The following COL4A4 variants were observed in gnomAD, a reference collection of about 807,000 sequenced individuals.
COL4A4 encodes the protein collagen alpha-4(IV) chain.
In COL4A4, 105 loss-of-function variants were observed where a neutral mutation model predicts 192.9. That is an observed-to-expected ratio of 0.54 (90% CI 0.46 to 0.64). The LOEUF (loss-of-function observed/expected upper bound fraction) is 0.64, where lower values mean the gene tolerates loss of function less well. Ranked by LOEUF, COL4A4 falls within the 30% of genes least tolerant of loss-of-function variation. COL4A4 has a pLI of 0.00. For synonymous variants in COL4A4, 762 were observed against 769.9 expected (o/e 0.99, Z 0.17); for missense variants, 1,967 against 2,169.3 (o/e 0.91, Z 1.85).
intron 46 of COL4A4, among the ~76,000 whole-genome samples, chr2:227,009,827 G>A (rs976760749): frequency 1.3e-5 from 2 of 152,098 alleles, no homozygotes; most frequent in Non-Finnish European, 2.9e-5. Flanking sequence ...AGCACCAAAA[G>A]ATGACCCTCA....
intron 15 of COL4A4, 102 bp downstream of exon 15, chr2:227,102,687 A>T (rs2060590697): frequency 1.0e-6 from 1 of 954,850 alleles, no homozygotes; most frequent in Non-Finnish European, 1.7e-6. Context: ...TACATGAGCT[A>T]TTCTTCACTT....
intron 20 of COL4A4, among the ~76,000 whole-genome samples, chr2:227,091,922 G>GAAAGAAAGA (rs1553674154): frequency 5.0e-5 from 3 of 60,292 alleles, no homozygotes; most frequent in Non-Finnish European, 1.2e-4. Flanking sequence ...AAGAAAGAAA[G>GAAAGAAAGA]AAAGAAAAGA....
intron 37 of COL4A4, among the ~76,000 whole-genome samples, chr2:227,036,160 T>C (rs1969623937): frequency 6.6e-6 from 1 of 152,182 alleles, no homozygotes; most frequent in Non-Finnish European, 1.5e-5. Flanking sequence ...TAAACAACCA[T>C]CATTTAAGGC....
In COL4A4 at chr2:227,123,586, C is replaced by T. The variant is rs2061924005; in HGVS notation, c.193-2438G>A. On this transcript the variant is annotated intron_variant, in intron 4 of 47. Transcript: ENST00000396625. The surrounding 1 kb of genome is among the most constrained non-coding windows in gnomAD (Gnocchi z 4.6). ...GAGCCCACATCTCAGTGTTATCCCG[C>T]CCTAGGGGAAGGGAGTGGGGGTATT... Among the ~76,000 whole-genome samples the T allele has an allele frequency of 1.3e-5, 2 of 152,188 alleles. No individual in the cohort carries two copies. Among genetic ancestry groups the T allele is most frequent in the East Asian group, 1.9e-4 (1 of 5,190 alleles).
At chr2:227,016,662 A>G (rs780857970) in intron 44 of COL4A4, among the ~76,000 whole-genome samples, 1 of 152,010 alleles carries the variant, frequency 6.6e-6, no homozygotes, top group East Asian at 1.9e-4. Context: ...ACGTCCTCAT[A>G]TTGCCTGCCT....
chr2:227,077,972 G>GA lies in COL4A4; in HGVS notation c.1908dup (p.Pro637SerfsTer20). On this transcript the variant is annotated frameshift_variant, in exon 25 of 48. Coordinates refer to ENST00000396625, the MANE Select transcript of COL4A4 (RefSeq NM_000092.5). LOFTEE classifies it high-confidence loss of function. ...CCTGGGTGGCCTCGCTCTCCTGGTG[G>GA]ACCAGGAAATCCCAGTCCTGGGGGC... 1 of 1,613,780 alleles carries GA rather than the reference G, an allele frequency of 6.2e-7. No homozygotes were observed. The highest frequency in any genetic ancestry group is 8.5e-7 in the Non-Finnish European group (1 of 1,179,968).
At position 227,043,154 on chromosome 2, in the gene COL4A4, A is replaced by C; in HGVS notation, c.3320T>G (p.Leu1107Trp). The C allele has an allele frequency of 6.2e-7, 1 of 1,614,152 alleles. No homozygotes were observed. Among genetic ancestry groups the C allele is most frequent in the African/African-American group, 1.3e-5 (1 of 75,068 alleles). ...GHFGASGEQGLPGIQGPRGSP... is the reference protein window; with the variant it reads ...GHFGASGEQGWPGIQGPRGSP... ...TCCTCTGGGCCCTTGAATACCAGGCAAGCCCTGCTCTCCGGATGCTCCAAA... is the reference window on the plus strand; with the variant it reads ...TCCTCTGGGCCCTTGAATACCAGGCCAGCCCTGCTCTCCGGATGCTCCAAA... Residue 1107 changes from leucine to tryptophan, a missense_variant, in exon 36 of 48, where the codon TTG (leucine) becomes TGG (tryptophan). Physicochemically the swap from Leu to Trp is moderately conservative, Grantham distance 61. Coordinates refer to ENST00000396625, the MANE Select transcript of COL4A4 (RefSeq NM_000092.5).
the COL4A4 span, among the ~76,000 whole-genome samples, chr2:226,982,964 T>G: frequency 6.6e-6 from 1 of 152,198 alleles, no homozygotes; most frequent in South Asian, 2.1e-4. Flanking sequence ...TCTTTTAAAA[T>G]CTACATCATC....
chr2:227,082,331 T>C, intron 22 of COL4A4, 144 bp from the exon 23 acceptor site: 1 of 775,300 alleles, frequency 1.3e-6, no homozygotes, highest in Non-Finnish European at 2.2e-6. Context: ...TCCACTTCCC[T>C]GCCTTCCAAG....
intron 43 of COL4A4, chr2:227,022,427 T>G (rs958898462): frequency 1.4e-6 from 1 of 700,360 alleles, no homozygotes; most frequent in Admixed American, 1.8e-5. Context: ...GTGAATGGAG[T>G]ATCAGAGGAT....
intron 43 of COL4A4, chr2:227,022,452 C>T: frequency 1.5e-6 from 1 of 649,280 alleles, no homozygotes; most frequent in Non-Finnish European, 3.0e-6. Flanking sequence ...AAGTATGAAA[C>T]AGTGAAGGTC....
intron 41 of COL4A4, among the ~76,000 whole-genome samples, chr2:227,028,720 A>C (rs2149935984): frequency 6.6e-6 from 1 of 151,386 alleles, no homozygotes; most frequent in South Asian, 2.1e-4. Flanking sequence ...TAGTGGCACA[A>C]TCATTGCTCA....
chr2:227,101,344 T>G (rs898585841), intron 17 of COL4A4, among the ~76,000 whole-genome samples, 160 bp downstream of exon 17: 1 of 152,116 alleles, frequency 6.6e-6, no homozygotes, highest in East Asian at 1.9e-4. Flanking sequence ...ATCAGCAACA[T>G]GAAAAACAGA....
chr2:226,986,514 G>A, the COL4A4 span, among the ~76,000 whole-genome samples: 2 of 152,192 alleles, frequency 1.3e-5, no homozygotes, highest in South Asian at 4.2e-4. Flanking sequence ...TCAAAAAGCA[G>A]GTAAAGGATA....
At chr2:227,106,394 G>A (rs372845972) in intron 12 of COL4A4, among the ~76,000 whole-genome samples, 184 of 152,134 alleles carry the variant, frequency 1.2e-3, no homozygotes, top group Admixed American at 2.2e-3. Context: ...CATATACTCA[G>A]CATAGTCAAA....
intron 35 of COL4A4, among the ~76,000 whole-genome samples, chr2:227,045,535 C>T (rs751929451): frequency 7.2e-4 from 110 of 151,798 alleles, no homozygotes; most frequent in Middle Eastern, 3.4e-3. Flanking sequence ...TTTGGGAAGC[C>T]AAGGCAGGCA....
chr2:226,979,859 T>G, the COL4A4 span, among the ~76,000 whole-genome samples: 1 of 152,122 alleles, frequency 6.6e-6, no homozygotes, highest in Non-Finnish European at 1.5e-5. Context: ...TAGGCACTGG[T>G]CTAGGCCCAT....
At chr2:227,112,558 C>T (rs370390430) in intron 8 of COL4A4, among the ~76,000 whole-genome samples, 6 of 152,314 alleles carry the variant, frequency 3.9e-5, no homozygotes, top group South Asian at 2.1e-4. Context: ...CGTGAGCCAC[C>T]ACGCCTGGCC....
chr2:227,023,529 T>C (rs1178482322), intron 43 of COL4A4, among the ~76,000 whole-genome samples: 1 of 152,198 alleles, frequency 6.6e-6, no homozygotes, highest in Non-Finnish European at 1.5e-5. Flanking sequence ...ACATCTTTTC[T>C]AAAGCTTCAT....
Sources: allele counts gnomAD v4.1 joint callset (sites outside exome capture counted in the v4.1 genomes callset), GRCh38; gene constraint gnomAD v4.1.1; non-coding constraint Gnocchi (gnomAD v3.1); transcripts MANE v1.5; gene names NCBI Gene and HGNC (gene_info 2026-07-23, HGNC 2026-07-21).